Variants in PHLDB2 observed in about 807,000 individuals in gnomAD.
PHLDB2 encodes the protein pleckstrin homology-like domain family B member 2.
PHLDB2 carries 71 observed loss-of-function variants against 123.6 expected under a neutral mutation model. The observed-to-expected ratio is 0.57, with a 90% CI of 0.47 to 0.70. The LOEUF (loss-of-function observed/expected upper bound fraction) is 0.70. PHLDB2 is among the 30% of genes least tolerant of loss of function. PHLDB2 has a pLI of 0.00. For synonymous variants in PHLDB2, 547 were observed against 541.6 expected (o/e 1.01, Z -0.14); for missense variants, 1,446 against 1,519.5 (o/e 0.95, Z 0.80).
chr3:111,887,676 T>C (rs1276227301), intron 2 of PHLDB2, among the ~76,000 whole-genome samples: 7 of 152,188 alleles, frequency 4.6e-5, no homozygotes, highest in African/African-American at 1.7e-4. Context: ...TATATCCACA[T>C]TTAGAAATTC....
chr3:111,821,814 G>A (rs535469637), intron 1 of PHLDB2, among the ~76,000 whole-genome samples: 8 of 152,244 alleles, frequency 5.3e-5, no homozygotes, highest in South Asian at 2.1e-4. Context: ...TGTTTGCCAC[G>A]TGCTATTACA....
At chr3:111,899,007 A>T (rs1002939411) in intron 2 of PHLDB2, among the ~76,000 whole-genome samples, 1 of 152,226 alleles carries the variant, frequency 6.6e-6, no homozygotes, top group East Asian at 1.9e-4. Context: ...ATTTAATGGC[A>T]TCGAAACTGG....
intron 1 of PHLDB2, among the ~76,000 whole-genome samples, chr3:111,774,243 G>A (rs2060228012): frequency 6.6e-6 from 1 of 152,208 alleles, no homozygotes; most frequent in Non-Finnish European, 1.5e-5. Flanking sequence ...GCTGTGAGAG[G>A]TATCTGGGTG....
chr3:111,896,818 T>A (rs544766671), intron 2 of PHLDB2, among the ~76,000 whole-genome samples: 1 of 152,224 alleles, frequency 6.6e-6, no homozygotes, highest in Admixed American at 6.5e-5. Flanking sequence ...CTTTTTCTTT[T>A]GTTTCAGCCA....
At chr3:111,903,283 A>C (rs1245248461) in intron 2 of PHLDB2, among the ~76,000 whole-genome samples, 1 of 152,222 alleles carries the variant, frequency 6.6e-6, no homozygotes, top group Non-Finnish European at 1.5e-5. Flanking sequence ...TGTCCTTAAT[A>C]AGACAATGGA....
chr3:111,736,725 T>A (rs2059514223), intron 1 of PHLDB2, among the ~76,000 whole-genome samples: 1 of 152,214 alleles, frequency 6.6e-6, no homozygotes, highest in South Asian at 2.1e-4. Flanking sequence ...TGGGCTAGAA[T>A]TCTGTCAGGT....
chr3:111,851,825 T>C lies in PHLDB2; in HGVS notation c.67+5890T>C, dbSNP rs573070724. 1.1e-4 allele frequency among the ~76,000 whole-genome samples: 17 copies of C among 152,166 alleles called. No homozygotes were observed. The South Asian group carries it at 3.1e-3, about 28-fold the overall frequency. On this transcript the variant is annotated intron_variant, in intron 2 of 17. Transcript: ENST00000393923. Reference sequence around the variant, plus strand: ...TTCCTCAAATCTGGCCCCAGCACCCTAGATCTTATCTCCTACTCCTCCCTC... The same window carrying C: ...TTCCTCAAATCTGGCCCCAGCACCCCAGATCTTATCTCCTACTCCTCCCTC...
intron 1 of PHLDB2, among the ~76,000 whole-genome samples, chr3:111,763,735 G>A (rs1405692004): frequency 6.6e-6 from 1 of 152,016 alleles, no homozygotes; most frequent in South Asian, 2.1e-4. Context: ...TAGGATTAGT[G>A]CCCTCATAAA....
chr3:111,951,941 A>C (rs1577175937), intron 10 of PHLDB2, among the ~76,000 whole-genome samples: 1 of 152,152 alleles, frequency 6.6e-6, no homozygotes, highest in Non-Finnish European at 1.5e-5. Context: ...GTGGACAAAA[A>C]TCTTGCTTTA....
chr3:111,745,069 A>G (rs2059660998), intron 1 of PHLDB2, among the ~76,000 whole-genome samples: 1 of 152,230 alleles, frequency 6.6e-6, no homozygotes, highest in South Asian at 2.1e-4. Context: ...AGGGGCTATC[A>G]ATAAATTGCT....
At chr3:111,947,347 C>T (rs2070381417) in intron 9 of PHLDB2, among the ~76,000 whole-genome samples, 1 of 152,176 alleles carries the variant, frequency 6.6e-6, no homozygotes, top group Non-Finnish European at 1.5e-5. Flanking sequence ...TTGTTGAGTA[C>T]AACAATGAGT....
At chr3:111,734,247 G>A (rs1941606232) in intron 1 of PHLDB2, among the ~76,000 whole-genome samples, 1 of 152,180 alleles carries the variant, frequency 6.6e-6, no homozygotes. Context: ...AAGTGATGGA[G>A]GTGGTTTTGA....
chr3:111,921,344 A>G (rs977095750), intron 5 of PHLDB2, among the ~76,000 whole-genome samples: 31 of 152,268 alleles, frequency 2.0e-4, no homozygotes, highest in African/African-American at 7.2e-4. Flanking sequence ...AAAAAGAAAA[A>G]ATTTTTAGTT....
At chr3:111,898,762 A>G (rs1439791555) in intron 2 of PHLDB2, among the ~76,000 whole-genome samples, 5 of 152,208 alleles carry the variant, frequency 3.3e-5, no homozygotes, top group African/African-American at 9.6e-5. Context: ...ACTCATCCAT[A>G]TGAAGCAATT....
intron 1 of PHLDB2, among the ~76,000 whole-genome samples, chr3:111,812,687 C>T (rs541625955): frequency 1.3e-5 from 2 of 152,290 alleles, no homozygotes; most frequent in African/African-American, 4.8e-5. Flanking sequence ...AAGATTTTTT[C>T]CCTGAGAGAA....
chr3:111,905,142 A>G (rs368097838), intron 2 of PHLDB2, among the ~76,000 whole-genome samples: 108 of 152,274 alleles, frequency 7.1e-4, no homozygotes, highest in African/African-American at 2.4e-3. Flanking sequence ...CAAAGTCATG[A>G]AAATTAAAAA....
At chr3:111,948,857 A>C (rs2070503608) in intron 9 of PHLDB2, 75 bp from the exon 10 acceptor site, 1 of 1,449,932 alleles carries the variant, frequency 6.9e-7, no homozygotes, top group African/African-American at 1.4e-5. Flanking sequence ...ACTTCATTGT[A>C]CTGGGAACAT....
At chr3:111,752,335 A>G (rs1295486625) in intron 1 of PHLDB2, among the ~76,000 whole-genome samples, 2 of 152,150 alleles carry the variant, frequency 1.3e-5, no homozygotes, top group Non-Finnish European at 2.9e-5. Context: ...CGCTTTTCTC[A>G]TAGGCTCTCT....
chr3:111,766,946 G>A (rs1436198029), intron 1 of PHLDB2, among the ~76,000 whole-genome samples: 3 of 146,608 alleles, frequency 2.0e-5, no homozygotes, highest in Admixed American at 7.0e-5. Context: ...CAGGAGAATC[G>A]CTGGAACGTG....
Sources: gnomAD v4.1 joint callset for allele counts (sites outside exome capture counted in the v4.1 genomes callset) on GRCh38, gnomAD v4.1.1 for gene constraint, MANE v1.5 for transcripts, NCBI Gene and HGNC (gene_info 2026-07-23, HGNC 2026-07-21) for gene names.